Variants in EPS15 observed in about 807,000 individuals in gnomAD.
EPS15 encodes epidermal growth factor receptor pathway substrate 15.
A neutral mutation model predicts 113.8 loss-of-function variants in EPS15; 72 were observed. The ratio of observed to expected loss-of-function variants is 0.63; its 90% CI spans 0.52 to 0.77. The LOEUF is 0.77. Among genes scored for constraint, EPS15 ranks in the 30% least tolerant of loss-of-function variants. The pLI is 0.00. For missense variants in EPS15, 1,048 were observed against 1,045.8 expected, an observed-to-expected ratio of 1.00 and a Z score of -0.03; for synonymous variants, 344 against 363.4, an observed-to-expected ratio of 0.95 and a Z score of 0.61.
At chr1:51,489,410 C>G (rs1203119184) in intron 1 of EPS15, among the ~76,000 whole-genome samples, 1 of 151,318 alleles carries the variant, frequency 6.6e-6, no homozygotes, top group African/African-American at 2.4e-5. Context: ...CAATCTCCGC[C>G]TCCCGGGTTC....
intron 16 of EPS15, 139 bp downstream of exon 16, chr1:51,405,766 G>A (rs1327145931): frequency 2.9e-6 from 2 of 677,984 alleles, no homozygotes; most frequent in Non-Finnish European, 5.2e-6. Context: ...TTTGGATTAG[G>A]ACTCTCTGCT....
intron 8 of EPS15, 90 bp downstream of exon 8, chr1:51,461,001 G>T: frequency 2.4e-6 from 2 of 837,646 alleles, no homozygotes; most frequent in African/African-American, 1.7e-5. Flanking sequence ...TGAGAATATA[G>T]TTTTCCTCTA....
intron 1 of EPS15, among the ~76,000 whole-genome samples, chr1:51,507,951 G>A (rs1644526950): frequency 6.6e-6 from 1 of 151,972 alleles, no homozygotes; most frequent in Non-Finnish European, 1.5e-5. Flanking sequence ...GCCGAGGCAG[G>A]TGGATCACGA....
At chr1:51,472,148 A>G (rs1366720631) in intron 3 of EPS15, among the ~76,000 whole-genome samples, 1 of 152,176 alleles carries the variant, frequency 6.6e-6, no homozygotes, top group Admixed American at 6.6e-5. Flanking sequence ...CTTCACAAAG[A>G]TACTAAGGCC....
At chr1:51,408,042 C>CAAGAGGTT (rs2148428299) in intron 15 of EPS15, 93 bp downstream of exon 15, 1 of 1,067,882 alleles carries the variant, frequency 9.4e-7, no homozygotes, top group African/African-American at 1.6e-5. Context: ...GTAAACTAGG[C>CAAGAGGTT]AAGAGGTTGA....
chr1:51,444,939 C>A lies in EPS15; in HGVS notation c.904G>T (p.Val302Phe), dbSNP rs757911000. ...GGTGGAATCATTTCAGGAGTAAGAA[C>A]GTGAGGAGGATCAATGCCCTTGATT... ...KLIKGIDPPH[V>F]LTPEMIPPSD... Residue 302 changes from valine (V) to phenylalanine (F), a missense_variant, in exon 11 of 25, where the codon GTT becomes TTT. Coordinates refer to ENST00000371733, the MANE Select transcript of EPS15 (RefSeq NM_001981.3). The A allele has an allele frequency of 1.2e-6, 2 of 1,613,916 alleles. No individual in the cohort carries two copies. The highest frequency in any genetic ancestry group is 1.1e-5 in the South Asian group (1 of 91,066).
At chr1:51,365,600 C>T (rs112822575) in intron 22 of EPS15, among the ~76,000 whole-genome samples, 1,698 of 152,084 alleles carry the variant, frequency 0.011, 31 homozygotes, top group African/African-American at 0.038. Flanking sequence ...ACAGAGAGGA[C>T]GAAATAAAAA....
rs111982481 is a variant in EPS15, at chr1:51,446,572, C to G, written c.797+388G>C. Among the ~76,000 whole-genome samples, 1,121 of 151,778 alleles carry G rather than the reference C, an allele frequency of 7.4e-3. 14 individuals carry two copies. The highest frequency in any genetic ancestry group is 0.026 in the African/African-American group (1,077 of 41,370). On this transcript the variant is annotated intron_variant, in intron 10 of 24. Transcript: ENST00000371733. ...AGGTTCAAGCAATTCTCCTGCCTCA[C>G]CCTCCCGAGTAGCTGGAACTACAGG...
chr1:51,399,930 C>T (rs918183483), intron 19 of EPS15, among the ~76,000 whole-genome samples: 17 of 152,102 alleles, frequency 1.1e-4, no homozygotes, highest in African/African-American at 3.9e-4. Context: ...ATTTCACAGA[C>T]TCCTTTGCAA....
At chr1:51,460,576 C>T (rs543139001) in intron 8 of EPS15, among the ~76,000 whole-genome samples, 24 of 151,898 alleles carry the variant, frequency 1.6e-4, no homozygotes, top group Non-Finnish European at 3.1e-4. Flanking sequence ...TCCTATGTAC[C>T]TTAAAGCCAA....
chr1:51,434,309 G>A (rs1181602416), intron 12 of EPS15, among the ~76,000 whole-genome samples: 3 of 152,148 alleles, frequency 2.0e-5, no homozygotes, highest in African/African-American at 7.2e-5. Context: ...TCCATCAATA[G>A]ATGAACAGGT....
intron 1 of EPS15, among the ~76,000 whole-genome samples, 165 bp downstream of exon 1, chr1:51,519,034 G>A (rs1004707376): frequency 2.6e-5 from 4 of 151,306 alleles, no homozygotes; most frequent in African/African-American, 4.8e-5. Context: ...TCCGGAGGGC[G>A]CCCTCCCGCA....
chr1:51,515,052 G>A (rs1262650472), intron 1 of EPS15, among the ~76,000 whole-genome samples: 1 of 152,106 alleles, frequency 6.6e-6, no homozygotes, highest in Non-Finnish European at 1.5e-5. Context: ...CACTTGTACT[G>A]CGTACTTGTT....
At chr1:51,430,535 T>A (rs1391717274) in intron 12 of EPS15, among the ~76,000 whole-genome samples, 12 of 147,654 alleles carry the variant, frequency 8.1e-5, no homozygotes, top group Non-Finnish European at 1.6e-4. Context: ...GTCACTGCAC[T>A]CCTGCCTGGG....
intron 1 of EPS15, among the ~76,000 whole-genome samples, chr1:51,499,044 T>A: frequency 6.6e-6 from 1 of 152,292 alleles, no homozygotes; most frequent in South Asian, 2.1e-4. Context: ...CCTTCTACCA[T>A]ATGAGGATGC....
intron 21 of EPS15, among the ~76,000 whole-genome samples, chr1:51,367,397 C>T (rs1318610932): frequency 6.6e-6 from 1 of 151,920 alleles, no homozygotes; most frequent in Non-Finnish European, 1.5e-5. Context: ...ACTAAAAATA[C>T]AAAAAATTAG....
intron 13 of EPS15, among the ~76,000 whole-genome samples, chr1:51,416,571 A>C (rs1373700357): frequency 6.6e-6 from 1 of 152,212 alleles, no homozygotes; most frequent in African/African-American, 2.4e-5. Context: ...AAATCACTGA[A>C]GTTACTGAAA....
At chr1:51,374,862 C>T (rs1242922258) in intron 21 of EPS15, among the ~76,000 whole-genome samples, 1 of 151,950 alleles carries the variant, frequency 6.6e-6, no homozygotes, top group African/African-American at 2.4e-5. Context: ...TGCCACCATG[C>T]CCAGCTAATT....
At chr1:51,426,172 C>T (rs1651182118) in intron 12 of EPS15, among the ~76,000 whole-genome samples, 1 of 151,836 alleles carries the variant, frequency 6.6e-6, no homozygotes, top group African/African-American at 2.4e-5. Flanking sequence ...GACTCTCTCT[C>T]CTTCTAGGGT....
Sources: gnomAD v4.1 joint callset for allele counts (sites outside exome capture counted in the v4.1 genomes callset) on GRCh38, gnomAD v4.1.1 for gene constraint, MANE v1.5 for transcripts, NCBI Gene and HGNC (gene_info 2026-07-23, HGNC 2026-07-21) for gene names.